Variants in LMLN observed in about 807,000 individuals in gnomAD.
LMLN encodes the protein leishmanolysin like peptidase.
LMLN carries 70 observed loss-of-function variants against 92.3 expected under a neutral mutation model. The ratio of observed to expected loss-of-function variants is 0.76; its 90% CI spans 0.63 to 0.92. The LOEUF is 0.92. Among genes scored for constraint, LMLN ranks in the 40% least tolerant of loss-of-function variants. The probability of loss-of-function intolerance (pLI) is 0.00; values close to 1 mark genes in which losing one functional copy is unlikely to be tolerated. For missense variants in LMLN, 691 were observed against 814.6 expected, an observed-to-expected ratio of 0.85 and a Z score of 1.85; for synonymous variants, 308 against 296.2, an observed-to-expected ratio of 1.04 and a Z score of -0.41.
intron 14 of LMLN, among the ~76,000 whole-genome samples, chr3:198,035,361 GTTTTT>G (rs10679322): frequency 1.7e-5 from 2 of 117,714 alleles, no homozygotes; most frequent in African/African-American, 3.6e-5. Flanking sequence ...CCCTCTTTTG[GTTTTT>G]TTTTTTTTTT....
At chr3:197,975,532 C>T (rs922198060) in intron 3 of LMLN, among the ~76,000 whole-genome samples, 13 of 151,826 alleles carry the variant, frequency 8.6e-5, no homozygotes, top group Admixed American at 3.9e-4. Flanking sequence ...CGCACATGCA[C>T]GCACACATGC....
At chr3:197,960,751 T>A (rs983208495) in intron 1 of LMLN, among the ~76,000 whole-genome samples, 2 of 151,996 alleles carry the variant, frequency 1.3e-5, no homozygotes, top group African/African-American at 4.8e-5. Context: ...CCGCCCTCAG[T>A]CCCCCACTTA....
At chr3:197,985,953 G>A in intron 8 of LMLN, 63 bp downstream of exon 8, 1 of 988,578 alleles carries the variant, frequency 1.0e-6, no homozygotes, top group South Asian at 1.3e-5. Flanking sequence ...TAGAATCTGA[G>A]AATCACAGTA....
exon 1 of LMLN, chr3:197,960,235 T>G: frequency 6.2e-7 from 1 of 1,609,502 alleles, no homozygotes; most frequent in Non-Finnish European, 8.5e-7. Flanking sequence ...GTAACGACGC[T>G]CGGCCCGAAG....
chr3:198,007,520 T>G (rs896410172), intron 11 of LMLN, among the ~76,000 whole-genome samples: 12 of 152,212 alleles, frequency 7.9e-5, no homozygotes, highest in African/African-American at 2.9e-4. Context: ...TATCTGTTTC[T>G]GTGTTTTCCG....
intron 6 of LMLN, among the ~76,000 whole-genome samples, chr3:197,982,620 G>C (rs1437401841): frequency 2.0e-5 from 3 of 152,136 alleles, no homozygotes; most frequent in Non-Finnish European, 4.4e-5. Flanking sequence ...CAACAGATGA[G>C]GTAAACAAAG....
At chr3:197,983,774 A>G (rs1244969332) in intron 6 of LMLN, among the ~76,000 whole-genome samples, 169 bp from the exon 7 acceptor site, 3 of 152,214 alleles carry the variant, frequency 2.0e-5, no homozygotes, top group Admixed American at 1.3e-4. Context: ...TTGCCATGCC[A>G]TAGGAAAGCA....
At chr3:197,982,122 C>T (rs1187991499) in intron 6 of LMLN, among the ~76,000 whole-genome samples, 1 of 151,808 alleles carries the variant, frequency 6.6e-6, no homozygotes. Flanking sequence ...CGTGTTTTGA[C>T]CGATAGATGG....
chr3:198,037,488 A>G (rs1723266295), intron 15 of LMLN, among the ~76,000 whole-genome samples: 1 of 152,226 alleles, frequency 6.6e-6, no homozygotes, highest in African/African-American at 2.4e-5. Flanking sequence ...CATCTCTACT[A>G]AAAACACAAA....
chr3:197,973,898 G>A (rs1039033194), intron 1 of LMLN, among the ~76,000 whole-genome samples: 4 of 152,170 alleles, frequency 2.6e-5, no homozygotes, highest in Admixed American at 2.0e-4. Flanking sequence ...TGATACTGCT[G>A]AGACCTTTCT....
intron 14 of LMLN, among the ~76,000 whole-genome samples, chr3:198,034,660 T>C (rs1723163938): frequency 6.6e-6 from 1 of 152,192 alleles, no homozygotes; most frequent in Non-Finnish European, 1.5e-5. Context: ...TCTAAATGTT[T>C]TAAAAGTTAG....
At chr3:197,979,073 C>G (rs1472708664) in intron 5 of LMLN, among the ~76,000 whole-genome samples, 1 of 152,198 alleles carries the variant, frequency 6.6e-6, no homozygotes, top group Non-Finnish European at 1.5e-5. Context: ...CTGTGCTTTA[C>G]AACAGAACTC....
chr3:197,981,848 A>G (rs1721566311), intron 6 of LMLN, among the ~76,000 whole-genome samples: 1 of 147,072 alleles, frequency 6.8e-6, no homozygotes, highest in African/African-American at 2.6e-5. Flanking sequence ...TCTGTCACCC[A>G]GGCTGGAGTG....
rs377151643 is a variant in LMLN, at chr3:197,991,448, T to G, written c.1047+772T>G. On this transcript the variant is annotated intron_variant, in intron 9 of 15. Coordinates refer to ENST00000330198, the Ensembl canonical transcript of LMLN. ...GATTTGGCTCACATGACTGTGGAAG[T>G]TGGGCGAGTTCAAATCCGATGGGAT... 7.2e-5 allele frequency among the ~76,000 whole-genome samples: 11 copies of G among 152,032 alleles called. No homozygotes were observed. The East Asian group carries it at 9.6e-4, about 13-fold the overall frequency.
chr3:197,976,448 A>G, intron 4 of LMLN, 150 bp from the exon 5 acceptor site: 3 of 545,574 alleles, frequency 5.5e-6, no homozygotes, highest in South Asian at 6.2e-5. Flanking sequence ...TTCCTATAGA[A>G]CCCAAATTCT....
intron 15 of LMLN, among the ~76,000 whole-genome samples, chr3:198,036,361 T>A: frequency 6.6e-6 from 1 of 152,186 alleles, no homozygotes; most frequent in East Asian, 1.9e-4. Flanking sequence ...AACAAAATTC[T>A]GCTCATTAAA....
At position 197,976,583 on chromosome 3, in the gene LMLN, A is replaced by G. The variant is rs192318517; in HGVS notation, c.432-15A>G. On this transcript the variant is annotated splice_polypyrimidine_tract_variant and intron_variant, in intron 4 of 15. Coordinates refer to ENST00000330198, the Ensembl canonical transcript of LMLN. ...CTTTTTTGTATTTAAACTTTGATGT[A>G]CAAATGGACTGAAGACAATGTGCAA... The G allele has an allele frequency of 3.8e-4, 542 of 1,426,876 alleles. 3 individuals carry two copies. In the African/African-American group the frequency reaches 4.6e-3, roughly 12 times the overall value. 88.4% of individuals were successfully genotyped at this position (1,426,876 alleles called of 1,614,324 possible).
intron 11 of LMLN, among the ~76,000 whole-genome samples, chr3:198,017,201 G>A (rs1275648747): frequency 1.3e-5 from 2 of 152,216 alleles, no homozygotes; most frequent in Non-Finnish European, 2.9e-5. Context: ...CCCTGTCACA[G>A]TCATTCAAAT....
chr3:198,035,958 C>T (rs749968360), exon 15 of LMLN: 353 of 1,614,008 alleles, frequency 2.2e-4, no homozygotes, highest in Middle Eastern at 3.3e-4. Flanking sequence ...GAAACCTGCT[C>T]TGCCCATCAT....
Sources: gnomAD v4.1 joint callset for allele counts (sites outside exome capture counted in the v4.1 genomes callset) on GRCh38, gnomAD v4.1.1 for gene constraint, MANE v1.5 for transcripts, NCBI Gene and HGNC (gene_info 2026-07-23, HGNC 2026-07-21) for gene names.